The following PACSIN2 variants were observed in gnomAD, a reference collection of about 807,000 sequenced individuals.
PACSIN2 encodes the protein protein kinase C and casein kinase substrate in neurons protein 2.
In PACSIN2, 25 loss-of-function variants were observed where a neutral mutation model predicts 63.8. The observed-to-expected ratio is 0.39, with a 90% CI of 0.29 to 0.55. PACSIN2 has a LOEUF of 0.55. Among genes scored for constraint, PACSIN2 ranks in the 20% least tolerant of loss-of-function variants. The probability of loss-of-function intolerance (pLI) is 0.62; values close to 1 mark genes in which losing one functional copy is unlikely to be tolerated. For synonymous variants in PACSIN2, 255 were observed against 256.2 expected, an observed-to-expected ratio of 1.00 and a Z score of 0.05; for missense variants, 518 against 646.9, an observed-to-expected ratio of 0.80 and a Z score of 2.16.
chr22:42,884,513 G>A lies in PACSIN2; in HGVS notation c.658C>T (p.Pro220Ser), dbSNP rs1179123967. Residue 220 changes from proline to serine, a missense_variant, in exon 6 of 11, where the codon CCC (proline) becomes TCC (serine). Pro to Ser is a moderately conservative substitution (Grantham distance 74). Coordinates refer to ENST00000263246, the MANE Select transcript of PACSIN2 (RefSeq NM_001184970.3). Reference sequence around the variant, plus strand: ...TGCTCCATGTTCTCCATGTACTGGGGTGTGCCCTGGTCGAGTTCCTTCAGG... The same window carrying A: ...TGCTCCATGTTCTCCATGTACTGGGATGTGCCCTGGTCGAGTTCCTTCAGG... ...KSLKELDQGT[P>S]QYMENMEQVF... 8 of 1,614,060 alleles carry A rather than the reference G, an allele frequency of 5.0e-6. No individual in the cohort carries two copies. Among genetic ancestry groups the A allele is most frequent in the African/African-American group, 1.3e-5 (1 of 74,926 alleles).
chr22:42,996,531 CAAAAA>C (rs140591355), intron 1 of PACSIN2, among the ~76,000 whole-genome samples: 5 of 106,370 alleles, frequency 4.7e-5, no homozygotes, highest in Non-Finnish European at 5.7e-5. Context: ...GACTCTGCCG[CAAAAA>C]AAAAAAAAAA....
chr22:42,889,373 T>TACACACACACACACACACACACAC (rs58408551), intron 4 of PACSIN2, among the ~76,000 whole-genome samples: 1,883 of 122,440 alleles, frequency 0.015, 33 homozygotes, highest in East Asian at 0.062. Flanking sequence ...TAATGGTTTT[T>TACACACACACACACACACACACAC]ACACACACAC....
chr22:42,885,808 G>C (rs1291689180), intron 5 of PACSIN2, among the ~76,000 whole-genome samples: 1 of 152,114 alleles, frequency 6.6e-6, no homozygotes, highest in Admixed American at 6.5e-5. Context: ...TAAGATGGCT[G>C]GGCTTGGGTC....
At chr22:42,895,701 A>G (rs567500013) in intron 2 of PACSIN2, among the ~76,000 whole-genome samples, 1 of 152,350 alleles carries the variant, frequency 6.6e-6, no homozygotes, top group South Asian at 2.1e-4. Context: ...GTTTCCAAAT[A>G]AGCTCCCAGT....
At position 42,876,238 on chromosome 22, in the gene PACSIN2, G is replaced by C. The variant is rs747981089; in HGVS notation, c.1247C>G (p.Ser416Trp). Residue 416 changes from serine to tryptophan, a missense_variant, in exon 10 of 11, where the codon TCG becomes TGG. Transcript: ENST00000263246. ...PFSSTDANGD[S>W]NPFDDDATSG... ...GGTGGCGTCGTCGTCGAATGGATTC[G>C]AGTCCCCATTGGCATCCGTGGAGGA... 6.2e-7 allele frequency: 1 copy of C among 1,614,174 alleles called. No homozygotes were observed. Among genetic ancestry groups the C allele is most frequent in the South Asian group, 1.1e-5 (1 of 91,084 alleles).
intron 1 of PACSIN2, among the ~76,000 whole-genome samples, chr22:42,982,305 T>C (rs1264243282): frequency 1.6e-5 from 1 of 60,950 alleles, no homozygotes; most frequent in Non-Finnish European, 3.1e-5. Flanking sequence ...TGAGGGGCGC[T>C]TCTGCCCGGC....
intron 6 of PACSIN2, among the ~76,000 whole-genome samples, chr22:42,883,470 C>T (rs922984674): frequency 1.3e-5 from 2 of 152,352 alleles, no homozygotes; most frequent in East Asian, 1.9e-4. Flanking sequence ...CAGTAATCCA[C>T]GTCCTTGACT....
rs759532303 is a variant in PACSIN2 at position 42,982,888 on chromosome 22, A to AAAAAAAAAAAC, written c.-78+32132_-78+32133insGTTTTTTTTTT. Among the ~76,000 whole-genome samples the AAAAAAAAAAAC allele has an allele frequency of 9.8e-4, 103 of 105,166 alleles. 1 individual carries two copies. Among genetic ancestry groups the AAAAAAAAAAAC allele is most frequent in the Non-Finnish European group, 1.6e-3 (79 of 47,904 alleles). 69.0% of individuals were successfully genotyped at this position (105,166 alleles called of 152,430 possible). A position where few individuals can be genotyped will look rare whatever the true frequency, so the allele number is the denominator to read the frequency against. ...GATCAATAAAAAAAAAAAAAAAAAA[A>AAAAAAAAAAAC]AACAACAACAAGGCTAGGAGCAGTG... On this transcript the variant is annotated intron_variant, in intron 1 of 10. Coordinates refer to ENST00000263246, the MANE Select transcript of PACSIN2 (RefSeq NM_001184970.3).
At chr22:42,932,989 G>A (rs1445305193) in intron 1 of PACSIN2, among the ~76,000 whole-genome samples, 2 of 152,230 alleles carry the variant, frequency 1.3e-5, no homozygotes, top group Non-Finnish European at 2.9e-5. Flanking sequence ...AATCAGTTAC[G>A]CAGCACTTTA....
At chr22:42,964,733 C>T (rs1246533908) in intron 1 of PACSIN2, among the ~76,000 whole-genome samples, 1 of 152,062 alleles carries the variant, frequency 6.6e-6, no homozygotes, top group Non-Finnish European at 1.5e-5. Context: ...CAAAGTTAGA[C>T]AAAAGACCAA....
chr22:42,961,367 T>C (rs1198265251), intron 1 of PACSIN2, among the ~76,000 whole-genome samples: 1 of 151,724 alleles, frequency 6.6e-6, no homozygotes, highest in Non-Finnish European at 1.5e-5. Context: ...TTCACTTGTT[T>C]ATCTGTTGAC....
chr22:42,961,511 C>T (rs1934134687), intron 1 of PACSIN2, among the ~76,000 whole-genome samples: 1 of 151,328 alleles, frequency 6.6e-6, no homozygotes, highest in Non-Finnish European at 1.5e-5. Flanking sequence ...GTGGCTCACA[C>T]TTGTAGTCCC....
chr22:42,933,358 G>A (rs1932821779), intron 1 of PACSIN2, among the ~76,000 whole-genome samples: 1 of 152,232 alleles, frequency 6.6e-6, no homozygotes, highest in Non-Finnish European at 1.5e-5. Flanking sequence ...GACTTCACCA[G>A]TGACTGCCAA....
At chr22:42,932,453 C>T (rs1932800534) in intron 1 of PACSIN2, among the ~76,000 whole-genome samples, 1 of 152,176 alleles carries the variant, frequency 6.6e-6, no homozygotes, top group African/African-American at 2.4e-5. Context: ...ATTCCAGAAG[C>T]GTATCTCACA....
chr22:42,876,809 G>A lies in PACSIN2; in HGVS notation c.1151+79C>T, dbSNP rs1025901578. 28 of 1,578,446 alleles carry A rather than the reference G, an allele frequency of 1.8e-5. No homozygotes were observed. The African/African-American group carries it at 3.3e-4, about 19-fold the overall frequency. On this transcript the variant is annotated intron_variant, in intron 9 of 10. Transcript: ENST00000263246. ...CTCCGTGCATTGCCGAGTGCCGAGG[G>A]GTGAGACCCCTGGACAGAGAGAGAG...
intron 1 of PACSIN2, among the ~76,000 whole-genome samples, chr22:42,955,731 G>C (rs140850962): frequency 6.6e-6 from 1 of 152,334 alleles, no homozygotes; most frequent in East Asian, 1.9e-4. Flanking sequence ...TTCCTGCACA[G>C]TAATGGTAGG....
intron 2 of PACSIN2, among the ~76,000 whole-genome samples, chr22:42,896,234 G>A (rs1237005369): frequency 1.3e-5 from 2 of 152,106 alleles, no homozygotes; most frequent in Non-Finnish European, 2.9e-5. Context: ...TTTCCAGGAT[G>A]GCAAGGATAT....
chr22:42,977,965 A>G (rs1224346296), intron 1 of PACSIN2, among the ~76,000 whole-genome samples: 1 of 152,206 alleles, frequency 6.6e-6, no homozygotes, highest in Non-Finnish European at 1.5e-5. Context: ...AGAACGAACT[A>G]ATACAGGGGT....
chr22:42,921,754 T>A (rs1006226256), intron 1 of PACSIN2, among the ~76,000 whole-genome samples: 32 of 151,922 alleles, frequency 2.1e-4, no homozygotes, highest in African/African-American at 7.0e-4. Context: ...TTTTTTTTTT[T>A]AGACAGAATC....
Sources: gnomAD v4.1 joint callset for allele counts (sites outside exome capture counted in the v4.1 genomes callset) on GRCh38, gnomAD v4.1.1 for gene constraint, MANE v1.5 for transcripts, NCBI Gene and HGNC (gene_info 2026-07-23, HGNC 2026-07-21) for gene names.